The following MED13L variants were observed in gnomAD, a reference collection of about 807,000 sequenced individuals.
MED13L encodes the protein mediator complex subunit 13L.
MED13L carries 7 observed loss-of-function variants against 220.9 expected under a neutral mutation model. The observed-to-expected ratio is 0.03, with a 90% CI of 0.02 to 0.06. The LOEUF (loss-of-function observed/expected upper bound fraction) is 0.06, where lower values mean the gene tolerates loss of function less well. Ranked by LOEUF, MED13L falls within the 10% of genes least tolerant of loss-of-function variation. MED13L has a pLI of 1.00. For missense variants in MED13L, 1,965 were observed against 2,760.5 expected, an observed-to-expected ratio of 0.71 and a Z score of 6.46; for synonymous variants, 1,011 against 1,015.2, an observed-to-expected ratio of 1.00 and a Z score of 0.08.
At chr12:116,229,220 T>G (rs1490686219) in intron 2 of MED13L, among the ~76,000 whole-genome samples, 1 of 152,234 alleles carries the variant, frequency 6.6e-6, no homozygotes, top group African/African-American at 2.4e-5. Flanking sequence ...CACAATGTAT[T>G]AATCATAAAA....
chr12:116,013,865 TC>T (rs1879567431), intron 8 of MED13L, among the ~76,000 whole-genome samples: 1 of 152,176 alleles, frequency 6.6e-6, no homozygotes, highest in South Asian at 2.1e-4. Flanking sequence ...ATCTCCCTGT[TC>T]TGTACTGCTG....
chr12:116,065,436 G>A (rs1467386506), intron 4 of MED13L, among the ~76,000 whole-genome samples: 1 of 152,148 alleles, frequency 6.6e-6, no homozygotes, highest in Non-Finnish European at 1.5e-5. Flanking sequence ...CCATCATAGT[G>A]TCATATTGAT....
chr12:116,128,600 T>A (rs1218714934), intron 2 of MED13L, among the ~76,000 whole-genome samples: 1 of 152,200 alleles, frequency 6.6e-6, no homozygotes, highest in Non-Finnish European at 1.5e-5. Flanking sequence ...CATTTAGAAA[T>A]GGAATTAACT....
At chr12:115,966,391 G>A in intron 28 of MED13L, 148 bp from the exon 29 acceptor site, 1 of 902,034 alleles carries the variant, frequency 1.1e-6, no homozygotes, top group Non-Finnish European at 1.7e-6. Context: ...AGAAAGGTAA[G>A]CGGGGCCAGC....
chr12:115,977,944 C>A (rs1398929452), intron 23 of MED13L, among the ~76,000 whole-genome samples: 1 of 152,058 alleles, frequency 6.6e-6, no homozygotes, highest in Non-Finnish European at 1.5e-5. Context: ...TGCAAGTAAC[C>A]GTGATCTTGC....
chr12:116,276,584 C>A, intron 1 of MED13L: 1 of 1,221,764 alleles, frequency 8.2e-7, no homozygotes, highest in Non-Finnish European at 1.0e-6. Flanking sequence ...GGCGAAATTG[C>A]AGGTGTCATT....
chr12:115,974,013 T>C (rs1876765502), intron 25 of MED13L, among the ~76,000 whole-genome samples: 1 of 152,076 alleles, frequency 6.6e-6, no homozygotes, highest in South Asian at 2.1e-4. Flanking sequence ...TGTTTAGGGA[T>C]TCTACAAATA....
chr12:115,961,617 C>T, intron 30 of MED13L: 1 of 636,420 alleles, frequency 1.6e-6, no homozygotes. Flanking sequence ...CCATTGAGCT[C>T]CGCCAGTGAG....
chr12:116,273,304 A>AAAAAAAT (rs1565961879), intron 1 of MED13L, among the ~76,000 whole-genome samples: 1 of 152,196 alleles, frequency 6.6e-6, no homozygotes, highest in Non-Finnish European at 1.5e-5. Context: ...ACTCCGTCTC[A>AAAAAAAT]AAAAAATAAA....
intron 23 of MED13L, among the ~76,000 whole-genome samples, chr12:115,979,254 C>A (rs1005256047): frequency 1.3e-5 from 2 of 152,108 alleles, no homozygotes; most frequent in African/African-American, 4.8e-5. Flanking sequence ...AGTCTTTTTG[C>A]CATTTATTTT....
chr12:115,973,757 C>T (rs11610671), intron 25 of MED13L, among the ~76,000 whole-genome samples: 22,549 of 152,068 alleles, frequency 0.15, 1,886 homozygotes, highest in Middle Eastern at 0.21. Context: ...CCTCCAGGCT[C>T]TTGATACAAG....
chr12:116,112,532 C>T lies in MED13L; in HGVS notation c.311-1020G>A, dbSNP rs1874175005. On this transcript the variant is annotated intron_variant, in intron 2 of 30. Transcript: ENST00000281928. ...GGCCTTTTATCTTCTATTAGACTTT[C>T]TGAAAATTACAAAGCTGAATTTTTT... 4.6e-5 allele frequency among the ~76,000 whole-genome samples: 7 copies of T among 152,294 alleles called. No homozygotes were observed. In the South Asian group the frequency reaches 1.2e-3, roughly 27 times the overall value.
At chr12:116,125,284 C>G (rs1005168193) in intron 2 of MED13L, among the ~76,000 whole-genome samples, 1 of 152,186 alleles carries the variant, frequency 6.6e-6, no homozygotes, top group Non-Finnish European at 1.5e-5. Context: ...AGCCTGGGCA[C>G]TACAGTGTGA....
chr12:115,963,633 T>A (rs1875927796), intron 29 of MED13L, 114 bp from the exon 30 acceptor site: 1 of 772,370 alleles, frequency 1.3e-6, no homozygotes, highest in South Asian at 1.5e-5. Flanking sequence ...GAAGTCAGGG[T>A]TTCTGTGAGT....
At chr12:116,013,192 G>A (rs879298778) in intron 8 of MED13L, among the ~76,000 whole-genome samples, 16 of 152,104 alleles carry the variant, frequency 1.1e-4, no homozygotes, top group Non-Finnish European at 2.1e-4. Context: ...GGGCAACATG[G>A]CAAAACCCCA....
At chr12:116,019,625 C>A (rs1879934952) in intron 6 of MED13L, among the ~76,000 whole-genome samples, 153 bp downstream of exon 6, 2 of 152,088 alleles carry the variant, frequency 1.3e-5, no homozygotes, top group African/African-American at 4.8e-5. Flanking sequence ...GTGCTTCAGG[C>A]AAGATAACTA....
intron 2 of MED13L, among the ~76,000 whole-genome samples, chr12:116,117,002 A>G (rs1197970096): frequency 6.6e-6 from 1 of 151,838 alleles, no homozygotes; most frequent in Non-Finnish European, 1.5e-5. Flanking sequence ...AACAAACTAC[A>G]GCAAATGTAT....
chr12:116,061,376 G>A (rs987174847), intron 4 of MED13L, among the ~76,000 whole-genome samples: 1 of 151,720 alleles, frequency 6.6e-6, no homozygotes, highest in Admixed American at 6.6e-5. Flanking sequence ...CTCAACACTA[G>A]GAAAGGCAAT....
chr12:116,207,049 G>A (rs1463017672), intron 2 of MED13L, among the ~76,000 whole-genome samples: 4 of 151,748 alleles, frequency 2.6e-5, no homozygotes, highest in Admixed American at 2.6e-4. Context: ...AAAATCTCTA[G>A]GTATACGAAT....
Sources: gnomAD v4.1 joint callset for allele counts (sites outside exome capture counted in the v4.1 genomes callset) on GRCh38, gnomAD v4.1.1 for gene constraint, MANE v1.5 for transcripts, NCBI Gene and HGNC (gene_info 2026-07-23, HGNC 2026-07-21) for gene names.